Variants in CFDP1 observed in about 807,000 individuals in gnomAD.
CFDP1 encodes chromatin remodeling protein CFDP1, also known as heterochromatin-stabilizing protein CFDP1.
Under a neutral mutation model 40.1 loss-of-function variants are expected in CFDP1, and 31 were observed. That is an observed-to-expected ratio of 0.77 (90% CI 0.58 to 1.04). CFDP1 has a LOEUF of 1.04. Among genes scored for constraint, CFDP1 ranks in the 50% least tolerant of loss-of-function variants. The pLI, the probability that CFDP1 is intolerant of heterozygous loss-of-function variation, is 0.00. For synonymous variants in CFDP1, 167 were observed against 120.0 expected, an observed-to-expected ratio of 1.39 and a Z score of -2.56; for missense variants, 423 against 343.4, an observed-to-expected ratio of 1.23 and a Z score of -1.83.
chr16:75,296,625 G>A (rs1422840771), intron 6 of CFDP1, among the ~76,000 whole-genome samples: 2 of 152,220 alleles, frequency 1.3e-5, no homozygotes, highest in Non-Finnish European at 1.5e-5. Context: ...GCTGTGTTGG[G>A]TCCAGCTGAC....
intron 5 of CFDP1, among the ~76,000 whole-genome samples, chr16:75,382,297 A>G (rs972163134): frequency 1.3e-5 from 2 of 152,194 alleles, no homozygotes; most frequent in Non-Finnish European, 2.9e-5. Flanking sequence ...AGTCTTTGTC[A>G]CAGACCTTCC....
chr16:75,313,457 T>G (rs778612001), intron 5 of CFDP1, among the ~76,000 whole-genome samples: 1 of 152,038 alleles, frequency 6.6e-6, no homozygotes, highest in Admixed American at 6.5e-5. Context: ...AGCCTCCTGA[T>G]AGCTGGGATT....
chr16:75,350,220 G>C (rs2078601146), intron 5 of CFDP1, among the ~76,000 whole-genome samples: 1 of 152,144 alleles, frequency 6.6e-6, no homozygotes, highest in Non-Finnish European at 1.5e-5. Context: ...GCAAGTTTTT[G>C]TGTGGATATA....
At chr16:75,297,269 C>T (rs1218659880) in intron 6 of CFDP1, among the ~76,000 whole-genome samples, 4 of 151,866 alleles carry the variant, frequency 2.6e-5, no homozygotes, top group African/African-American at 9.7e-5. Flanking sequence ...ATCTGCCCGC[C>T]TCAGCCTCCC....
At chr16:75,408,528 C>T (rs1393167913) in intron 4 of CFDP1, among the ~76,000 whole-genome samples, 1 of 151,992 alleles carries the variant, frequency 6.6e-6, no homozygotes, top group East Asian at 1.9e-4. Flanking sequence ...ACTGTAATTG[C>T]AGCACTTTGG....
At chr16:75,414,824 C>T (rs2079190971) in intron 1 of CFDP1, 129 bp from the exon 2 acceptor site, 2 of 645,106 alleles carry the variant, frequency 3.1e-6, no homozygotes, top group African/African-American at 1.8e-5. Flanking sequence ...CCCTACTCTT[C>T]ACCTAACGAA....
chr16:75,378,304 C>T (rs764675574), intron 5 of CFDP1, among the ~76,000 whole-genome samples: 4 of 151,862 alleles, frequency 2.6e-5, no homozygotes, highest in Non-Finnish European at 5.9e-5. Context: ...TGAACTATGG[C>T]ATGATTAAGC....
At chr16:75,384,390 T>G (rs1467360296) in intron 5 of CFDP1, among the ~76,000 whole-genome samples, 1 of 151,872 alleles carries the variant, frequency 6.6e-6, no homozygotes, top group African/African-American at 2.4e-5. Flanking sequence ...GAGGAAAAAT[T>G]TTAAACCACC....
rs2151495503 is a variant in CFDP1 at position 75,293,769 on chromosome 16, AT to A, written c.*182del. 1.7e-6 allele frequency: 1 copy of A among 583,806 alleles called. No individual in the cohort carries two copies. The highest frequency in any genetic ancestry group is 1.9e-5 in the African/African-American group (1 of 53,444). The allele number at this position is 583,806 out of a possible 1,614,324, so 36.2% of individuals were successfully genotyped here. A position where few individuals can be genotyped will look rare whatever the true frequency, so the allele number is the denominator to read the frequency against. On this transcript the variant is annotated 3_prime_UTR_variant, in exon 7 of 7. Transcript: ENST00000283882. ...ATTTTATTTATTCATTTAAGGACAA[AT>A]TTTTAAAAGTAAAGTGAATGAAACC...
intron 1 of CFDP1, among the ~76,000 whole-genome samples, chr16:75,432,682 C>G (rs1247880499): frequency 6.6e-6 from 1 of 152,172 alleles, no homozygotes; most frequent in Non-Finnish European, 1.5e-5. Context: ...ATACTTTCAA[C>G]GAGACGGTTT....
chr16:75,369,865 T>A (rs1189525314), intron 5 of CFDP1, among the ~76,000 whole-genome samples: 1 of 150,106 alleles, frequency 6.7e-6, no homozygotes, highest in Non-Finnish European at 1.5e-5. Flanking sequence ...TTCAAGCGAT[T>A]CTCATGCCAC....
intron 4 of CFDP1, among the ~76,000 whole-genome samples, chr16:75,401,003 T>C (rs1171393681): frequency 2.0e-5 from 3 of 152,166 alleles, no homozygotes; most frequent in Non-Finnish European, 4.4e-5. Context: ...GCAGCTAATT[T>C]AAAAGCATCC....
At chr16:75,355,660 A>T (rs552823270) in intron 5 of CFDP1, among the ~76,000 whole-genome samples, 8 of 152,288 alleles carry the variant, frequency 5.3e-5, no homozygotes, top group African/African-American at 1.9e-4. Flanking sequence ...GATAAGGTGG[A>T]GGTAACTGAA....
chr16:75,430,715 C>G (rs113624362), intron 1 of CFDP1, among the ~76,000 whole-genome samples: 1 of 152,304 alleles, frequency 6.6e-6, no homozygotes, highest in African/African-American at 2.4e-5. Flanking sequence ...CCACCAGCCT[C>G]TGCCTCCCTA....
chr16:75,417,516 A>G (rs917143300), intron 1 of CFDP1, among the ~76,000 whole-genome samples: 1 of 152,160 alleles, frequency 6.6e-6, no homozygotes, highest in Non-Finnish European at 1.5e-5. Flanking sequence ...ATGAGGAAAA[A>G]GGAAGAATTA....
intron 5 of CFDP1, among the ~76,000 whole-genome samples, chr16:75,328,783 A>G (rs1392657077): frequency 6.6e-6 from 1 of 151,024 alleles, no homozygotes; most frequent in Non-Finnish European, 1.5e-5. Flanking sequence ...GGTTCAAGCA[A>G]TTCTCCTGCC....
chr16:75,405,528 A>T (rs1278914833), intron 4 of CFDP1, among the ~76,000 whole-genome samples: 1 of 151,938 alleles, frequency 6.6e-6, no homozygotes, highest in Non-Finnish European at 1.5e-5. Flanking sequence ...CGGGCAGATC[A>T]TATGAGGTCA....
At chr16:75,317,261 A>C (rs1488484269) in intron 5 of CFDP1, among the ~76,000 whole-genome samples, 1 of 152,224 alleles carries the variant, frequency 6.6e-6, no homozygotes, top group Non-Finnish European at 1.5e-5. Flanking sequence ...AGGAAATGAT[A>C]CTTCTGAATT....
chr16:75,386,316 C>T (rs747479888), intron 5 of CFDP1, among the ~76,000 whole-genome samples: 1 of 152,192 alleles, frequency 6.6e-6, no homozygotes, highest in Non-Finnish European at 1.5e-5. Context: ...CTCCAGGCAA[C>T]CTTGAAAATC....
Sources: allele counts gnomAD v4.1 joint callset (sites outside exome capture counted in the v4.1 genomes callset), GRCh38; gene constraint gnomAD v4.1.1; transcripts MANE v1.5; gene names NCBI Gene and HGNC (gene_info 2026-07-23, HGNC 2026-07-21).